Variants in APOLD1 observed in about 807,000 individuals in gnomAD.
The protein encoded by APOLD1 is apolipoprotein L domain-containing protein 1.
A neutral mutation model predicts 15.3 loss-of-function variants in APOLD1; 22 were observed. The ratio of observed to expected loss-of-function variants is 1.44; its 90% CI spans 1.03 to 2.05. The LOEUF is 2.05. APOLD1 is among the 30% of genes most tolerant of loss of function. The pLI, the probability that APOLD1 is intolerant of heterozygous loss-of-function variation, is 0.00. For synonymous variants in APOLD1, 190 were observed against 167.4 expected (o/e 1.13, Z -1.04); for missense variants, 394 against 353.5 (o/e 1.11, Z -0.92).
At chr12:12,746,522 A>AATACATAAATACATAAATACATAC (rs1555089078) in intron 1 of APOLD1, among the ~76,000 whole-genome samples, 4 of 144,044 alleles carry the variant, frequency 2.8e-5, no homozygotes, top group African/African-American at 1.0e-4. Context: ...TAAATACATA[A>AATACATAAATACATAAATACATAC]ATACATACAT....
chr12:12,772,592 CAGTAGGGCAT>C (rs1946997584), intron 1 of APOLD1, among the ~76,000 whole-genome samples: 1 of 152,184 alleles, frequency 6.6e-6, no homozygotes, highest in Admixed American at 6.5e-5. Flanking sequence ...GGCAGAAAAT[CAGTAGGGCAT>C]AGTTGAACTC....
At chr12:12,729,394 C>T (rs10845619) in intron 1 of APOLD1, among the ~76,000 whole-genome samples, 41,696 of 151,810 alleles carry the variant, frequency 0.27, 6,877 homozygotes, top group African/African-American at 0.44. Context: ...TTTCTGAGTA[C>T]GACAATAAAC....
At chr12:12,743,045 C>G (rs1441211892) in intron 1 of APOLD1, among the ~76,000 whole-genome samples, 1 of 152,242 alleles carries the variant, frequency 6.6e-6, no homozygotes. Flanking sequence ...AGCCACCGCG[C>G]CCCGCCATGG....
At chr12:12,785,428 G>C (rs1417064530), upstream of APOLD1, among the ~76,000 whole-genome samples, 1 of 152,210 alleles carries the variant, frequency 6.6e-6, no homozygotes. Context: ...AGTTAGGGAA[G>C]AGCCTGTGGT....
chr12:12,758,430 G>A (rs1263940335), intron 1 of APOLD1, among the ~76,000 whole-genome samples: 14 of 152,024 alleles, frequency 9.2e-5, no homozygotes, highest in African/African-American at 2.9e-4. Context: ...CTGTAATCCC[G>A]GCTATTAAGG....
chr12:12,763,313 A>G (rs1946916664), intron 1 of APOLD1, among the ~76,000 whole-genome samples: 1 of 152,066 alleles, frequency 6.6e-6, no homozygotes, highest in Non-Finnish European at 1.5e-5. Context: ...CCTAAGTACA[A>G]TTATCCCCCC....
intron 1 of APOLD1, among the ~76,000 whole-genome samples, chr12:12,753,204 CTCAAT>C (rs1373176251): frequency 2.0e-5 from 3 of 152,150 alleles, no homozygotes; most frequent in African/African-American, 7.2e-5. Flanking sequence ...AGACAAGAAA[CTCAAT>C]AGACGATAAA....
At chr12:12,782,104 C>T (rs933819852), upstream of APOLD1, among the ~76,000 whole-genome samples, 4 of 151,788 alleles carry the variant, frequency 2.6e-5, no homozygotes, top group African/African-American at 9.7e-5. Context: ...ACTAAAGATA[C>T]AAAAATTAGC....
In APOLD1 at chr12:12,791,067, T is replaced by C. The variant is rs1446675740; in HGVS notation, c.*3415T>C. ...TCATTTGAATTGTTCTGTTTCACAA[T>C]AAAGGAGATTCACTGGGTTCTGCAT... is the stretch of plus-strand genomic sequence containing the variant. On this transcript the variant is annotated 3_prime_UTR_variant, in exon 2 of 2. Coordinates refer to ENST00000356591, the MANE Select transcript of APOLD1 (RefSeq NM_030817.3). The C allele has an allele frequency of 6.6e-6, 1 of 152,214 alleles. No individual in the cohort carries two copies. The highest frequency in any genetic ancestry group is 6.5e-5 in the Admixed American group (1 of 15,284). The allele number at this position is 152,214 out of a possible 1,614,324, so 9.4% of individuals were successfully genotyped here.
intron 1 of APOLD1, among the ~76,000 whole-genome samples, chr12:12,730,497 A>G (rs578073100): frequency 7.4e-4 from 112 of 151,802 alleles, no homozygotes; most frequent in Middle Eastern, 3.4e-3. Context: ...TCTGGACAAC[A>G]TGGTGAAACC....
chr12:12,787,704 G>A lies in APOLD1; in HGVS notation c.*52G>A. On this transcript the variant is annotated 3_prime_UTR_variant, in exon 2 of 2. Transcript: ENST00000356591. The surrounding 1 kb of genome is among the most constrained non-coding windows in gnomAD (Gnocchi z 4.9). ...GGCCAGCAAATCATCCTCATGGGAT[G>A]CTCCAGAATTTGTAGCTCCCTTAGG... The A allele has an allele frequency of 6.6e-7, 1 of 1,521,788 alleles. No homozygotes were observed. The allele number at this position is 1,521,788 out of a possible 1,614,324, so 94.3% of individuals were successfully genotyped here. A position where few individuals can be genotyped will look rare whatever the true frequency, so the allele number is the denominator to read the frequency against.
chr12:12,763,614 T>C (rs1946920350), intron 1 of APOLD1, among the ~76,000 whole-genome samples: 1 of 152,184 alleles, frequency 6.6e-6, no homozygotes. Flanking sequence ...GTATTATAAG[T>C]AATCTGGAGA....
chr12:12,779,439 T>A (rs986185455), intron 1 of APOLD1, among the ~76,000 whole-genome samples: 8 of 152,188 alleles, frequency 5.3e-5, no homozygotes, highest in African/African-American at 1.7e-4. Flanking sequence ...AATTAAACAT[T>A]AATATAAGCA....
At chr12:12,741,328 T>C (rs1284255736) in intron 1 of APOLD1, among the ~76,000 whole-genome samples, 1 of 152,244 alleles carries the variant, frequency 6.6e-6, no homozygotes, top group Non-Finnish European at 1.5e-5. Flanking sequence ...CATTTCAGCC[T>C]CCTGAGTAGC....
chr12:12,728,210 T>C (rs539208203), intron 1 of APOLD1, among the ~76,000 whole-genome samples: 3 of 152,216 alleles, frequency 2.0e-5, no homozygotes, highest in African/African-American at 7.2e-5. Context: ...CAAGGAATCC[T>C]CACACCTTGG....
At chr12:12,766,416 C>G (rs1946943014) in intron 1 of APOLD1, among the ~76,000 whole-genome samples, 1 of 152,190 alleles carries the variant, frequency 6.6e-6, no homozygotes, top group African/African-American at 2.4e-5. Flanking sequence ...AAGCTGCCTA[C>G]TACAGTTGCA....
intron 1 of APOLD1, among the ~76,000 whole-genome samples, chr12:12,737,343 G>A (rs1400668906): frequency 2.0e-5 from 3 of 151,972 alleles, no homozygotes; most frequent in Admixed American, 6.6e-5. Flanking sequence ...CACCCCATAC[G>A]CTTTTACAGT....
At chr12:12,738,688 T>C (rs1946708944) in intron 1 of APOLD1, among the ~76,000 whole-genome samples, 1 of 146,254 alleles carries the variant, frequency 6.8e-6, no homozygotes, top group African/African-American at 2.5e-5. Context: ...ATCTGAAATT[T>C]AATGAGTGCT....
chr12:12,747,572 T>C (rs1946776103), intron 1 of APOLD1, among the ~76,000 whole-genome samples: 1 of 152,198 alleles, frequency 6.6e-6, no homozygotes, highest in Admixed American at 6.5e-5. Flanking sequence ...CAGCTTGGTA[T>C]TGGGAAGCTC....
Sources: gnomAD v4.1 joint callset for allele counts (sites outside exome capture counted in the v4.1 genomes callset) on GRCh38, gnomAD v4.1.1 for gene constraint, Gnocchi (gnomAD v3.1) non-coding constraint, MANE v1.5 for transcripts, NCBI Gene and HGNC (gene_info 2026-07-23, HGNC 2026-07-21) for gene names.